The following TSHZ1 variants were observed in gnomAD, a reference collection of about 807,000 sequenced individuals.
TSHZ1 encodes teashirt homolog 1.
In TSHZ1, 12 loss-of-function variants were observed where a neutral mutation model predicts 67.1. That is an observed-to-expected ratio of 0.18 (90% confidence interval 0.11 to 0.29). The LOEUF is 0.29. TSHZ1 is among the 10% of genes least tolerant of loss of function. The pLI, the probability that TSHZ1 is intolerant of heterozygous loss-of-function variation, is 1.00. For synonymous variants in TSHZ1, 632 were observed against 622.4 expected, an observed-to-expected ratio of 1.02 and a Z score of -0.23; for missense variants, 1,305 against 1,413.9, an observed-to-expected ratio of 0.92 and a Z score of 1.23.
chr18:75,271,922 T>A (rs2023562899), intron 1 of TSHZ1, among the ~76,000 whole-genome samples: 1 of 152,226 alleles, frequency 6.6e-6, no homozygotes, highest in South Asian at 2.1e-4. Context: ...CCGGATAATA[T>A]GATCTAGCTG....
chr18:75,266,825 C>T (rs2023495786), intron 1 of TSHZ1, among the ~76,000 whole-genome samples: 1 of 152,118 alleles, frequency 6.6e-6, no homozygotes. Context: ...TGTTACGCCC[C>T]TGGCAGTATT....
chr18:75,211,926 G>A lies in TSHZ1; in HGVS notation c.40+10G>A. 2 of 1,201,598 alleles carry A rather than the reference G, an allele frequency of 1.7e-6. No individual in the cohort carries two copies. The highest frequency in any genetic ancestry group is 2.1e-6 in the Non-Finnish European group (2 of 968,790). The allele number at this position is 1,201,598 out of a possible 1,614,324, so 74.4% of individuals were successfully genotyped here. A position where few individuals can be genotyped will look rare whatever the true frequency, so the allele number is the denominator to read the frequency against. On this transcript the variant is annotated intron_variant, in intron 1 of 1. Transcript: ENST00000580243. ...CCCCGGCGCTCGGCAGGTAACGGGC[G>A]CGCGGCCCGCGCCGCGGGGAGTGGG... is the stretch of plus-strand genomic sequence containing the variant.
intron 1 of TSHZ1, among the ~76,000 whole-genome samples, chr18:75,278,533 C>G (rs906235843): frequency 2.0e-5 from 3 of 152,140 alleles, no homozygotes; most frequent in African/African-American, 7.2e-5. Context: ...ATCTGGTGCT[C>G]TCTGCCTGCT....
intron 1 of TSHZ1, among the ~76,000 whole-genome samples, chr18:75,270,434 A>G (rs1391105772): frequency 6.6e-6 from 1 of 152,220 alleles, no homozygotes; most frequent in Admixed American, 6.5e-5. Flanking sequence ...GGTTGAGCAG[A>G]TATTCTGTGG....
chr18:75,285,753 A>G lies in TSHZ1; in HGVS notation c.346A>G (p.Ile116Val), dbSNP rs772525249. 19 of 1,614,004 alleles carry G rather than the reference A, an allele frequency of 1.2e-5. 1 individual carries two copies. In the South Asian group the frequency reaches 1.9e-4, roughly 16 times the overall value. ...VSYPQDSLAQ[I>V]KAVYANLFSE... Reference sequence around the variant, plus strand: ...GTACCCCCAGGACAGCCTGGCACAGATCAAAGCTGTGTATGCAAACTTGTT... The same window carrying G: ...GTACCCCCAGGACAGCCTGGCACAGGTCAAAGCTGTGTATGCAAACTTGTT... Residue 116 changes from isoleucine (I) to valine (V), a missense_variant, in exon 2 of 2, where the codon ATC becomes GTC. Coordinates refer to ENST00000580243, the MANE Select transcript of TSHZ1 (RefSeq NM_001308210.2).
chr18:75,245,143 G>T (rs1357650332), intron 1 of TSHZ1: 1 of 152,156 alleles, frequency 6.6e-6, no homozygotes, highest in African/African-American at 2.4e-5. Context: ...TTTTAACTAG[G>T]CATTGTTATC....
At chr18:75,214,749 G>A (rs1229221800) in intron 1 of TSHZ1, among the ~76,000 whole-genome samples, 1 of 152,084 alleles carries the variant, frequency 6.6e-6, no homozygotes, top group Admixed American at 6.5e-5. Context: ...CAGAGGAAAT[G>A]GTCCCTTCGT....
At chr18:75,221,390 C>T (rs990748036) in intron 1 of TSHZ1, among the ~76,000 whole-genome samples, 4 of 152,228 alleles carry the variant, frequency 2.6e-5, no homozygotes, top group African/African-American at 9.6e-5. Context: ...AGTATACATT[C>T]TGACTTGGGA....
intron 1 of TSHZ1, among the ~76,000 whole-genome samples, chr18:75,273,984 C>T (rs2023586352): frequency 6.6e-6 from 1 of 152,226 alleles, no homozygotes; most frequent in Non-Finnish European, 1.5e-5. Context: ...CCCACACCCA[C>T]CCACACATGC....
At chr18:75,242,027 G>T (rs1433006345) in intron 1 of TSHZ1, among the ~76,000 whole-genome samples, 1 of 150,868 alleles carries the variant, frequency 6.6e-6, no homozygotes, top group African/African-American at 2.4e-5. Flanking sequence ...GGTTCTGGGA[G>T]GATATGAATT....
rs1338932531 is a variant in TSHZ1, at chr18:75,211,445, C to T, written c.-432C>T. Reference sequence around the variant, plus strand: ...GTTGCGCTCGGCGACTCTCGGCTCGCGGAAGAAGGCGCAGGGGAGCGCCCG... The same window carrying T: ...GTTGCGCTCGGCGACTCTCGGCTCGTGGAAGAAGGCGCAGGGGAGCGCCCG... On this transcript the variant is annotated 5_prime_UTR_variant, in exon 1 of 2. Transcript: ENST00000580243. 1 of 151,146 alleles carries T rather than the reference C, an allele frequency of 6.6e-6. No homozygotes were observed. The highest frequency in any genetic ancestry group is 2.4e-5 in the African/African-American group (1 of 41,250). The allele number at this position is 151,146 out of a possible 1,614,324, so 9.4% of individuals were successfully genotyped here.
chr18:75,247,447 T>C (rs762371146), intron 1 of TSHZ1, among the ~76,000 whole-genome samples: 16 of 152,208 alleles, frequency 1.1e-4, no homozygotes, highest in Non-Finnish European at 1.9e-4. Flanking sequence ...ACCCACAAAA[T>C]GTAATGGCCT....
At chr18:75,262,920 A>G (rs954026162) in intron 1 of TSHZ1, among the ~76,000 whole-genome samples, 7 of 152,190 alleles carry the variant, frequency 4.6e-5, no homozygotes, top group Non-Finnish European at 5.9e-5. Flanking sequence ...TTTAGAGATC[A>G]TCTGCTCCAA....
intron 1 of TSHZ1, among the ~76,000 whole-genome samples, chr18:75,237,254 G>A (rs1043824703): frequency 5.9e-5 from 9 of 152,176 alleles, no homozygotes; most frequent in African/African-American, 1.2e-4. Context: ...AGGTGCGGTA[G>A]CTCATGCCTA....
chr18:75,225,955 G>A (rs917105574), intron 1 of TSHZ1, among the ~76,000 whole-genome samples: 9 of 152,082 alleles, frequency 5.9e-5, no homozygotes, highest in African/African-American at 1.7e-4. Flanking sequence ...GGTAAAATGT[G>A]AAGCTGAATT....
chr18:75,276,024 A>G (rs1048180174), intron 1 of TSHZ1, among the ~76,000 whole-genome samples: 17 of 152,174 alleles, frequency 1.1e-4, no homozygotes, highest in African/African-American at 3.4e-4. Flanking sequence ...TTAAGCTCTG[A>G]TTTGTGCTAC....
At chr18:75,267,685 G>A (rs6566072) in intron 1 of TSHZ1, among the ~76,000 whole-genome samples, 88,473 of 152,078 alleles carry the variant, frequency 0.58, 25,878 homozygotes, top group South Asian at 0.69. Context: ...CTTCTGAAAA[G>A]AGGAAGAGAG....
Position 75,250,213 on chromosome 18 carries a change from G to A in TSHZ1, c.41-35235G>A, listed in dbSNP as rs569173312. 8.5e-5 allele frequency among the ~76,000 whole-genome samples: 13 copies of A among 152,138 alleles called. No individual in the cohort carries two copies. In the East Asian group the frequency reaches 2.3e-3, roughly 27 times the overall value. ...GGGGTGACCTCCCCATCTCACCCCT[G>A]CTGTAGGTGAGTGGGGTGACCTCCT... is the stretch of plus-strand genomic sequence containing the variant. On this transcript the variant is annotated intron_variant, in intron 1 of 1. Transcript: ENST00000580243.
At chr18:75,259,977 G>T (rs1022009310) in intron 1 of TSHZ1, among the ~76,000 whole-genome samples, 2 of 152,244 alleles carry the variant, frequency 1.3e-5, no homozygotes, top group Non-Finnish European at 2.9e-5. Context: ...GAGTGTGTGT[G>T]ATGTCCCAGC....
Sources: gnomAD v4.1 joint callset for allele counts (sites outside exome capture counted in the v4.1 genomes callset) on GRCh38, gnomAD v4.1.1 for gene constraint, MANE v1.5 for transcripts, NCBI Gene and HGNC (gene_info 2026-07-23, HGNC 2026-07-21) for gene names.